Variants in PRICKLE1 observed in about 807,000 individuals in gnomAD.
The protein encoded by PRICKLE1 is prickle planar cell polarity protein 1, also known as prickle-like protein 1.
A neutral mutation model predicts 70.2 loss-of-function variants in PRICKLE1; 14 were observed. That is an observed-to-expected ratio of 0.20 (90% CI 0.13 to 0.31). The LOEUF is 0.31. Among genes scored for constraint, PRICKLE1 ranks in the 10% least tolerant of loss-of-function variants. The pLI, the probability that PRICKLE1 is intolerant of heterozygous loss-of-function variation, is 1.00. For synonymous variants in PRICKLE1, 357 were observed against 379.9 expected (o/e 0.94, Z 0.70); for missense variants, 821 against 1,026.2 (o/e 0.80, Z 2.73).
intron 1 of PRICKLE1, among the ~76,000 whole-genome samples, chr12:42,524,094 T>C (rs1460669556): frequency 1.3e-5 from 2 of 152,230 alleles, no homozygotes; most frequent in Non-Finnish European, 2.9e-5. Context: ...TCCATTAAAA[T>C]GGCCTGTGCA....
chr12:42,512,819 G>A (rs11835687), intron 1 of PRICKLE1, among the ~76,000 whole-genome samples: 10,158 of 151,964 alleles, frequency 0.067, 376 homozygotes, highest in East Asian at 0.12. Flanking sequence ...CACCACGTTC[G>A]GCTGATTTTG....
At chr12:42,562,275 G>A (rs1940530374) in intron 1 of PRICKLE1, among the ~76,000 whole-genome samples, 1 of 152,230 alleles carries the variant, frequency 6.6e-6, no homozygotes, top group South Asian at 2.1e-4. Flanking sequence ...GAAAATTAAA[G>A]TATATATGCT....
intron 1 of PRICKLE1, among the ~76,000 whole-genome samples, chr12:42,566,477 G>A (rs978442178): frequency 1.4e-4 from 21 of 152,122 alleles, no homozygotes; most frequent in African/African-American, 4.8e-4. Context: ...CAAGCAAGCT[G>A]GTAGAGTGGA....
intron 1 of PRICKLE1, among the ~76,000 whole-genome samples, chr12:42,523,949 T>A (rs1939756996): frequency 2.0e-5 from 3 of 152,250 alleles, no homozygotes; most frequent in African/African-American, 7.2e-5. Flanking sequence ...TAGTAAGTGC[T>A]TAGGAACAAC....
intron 1 of PRICKLE1, among the ~76,000 whole-genome samples, chr12:42,553,590 C>T (rs188184136): frequency 1.9e-4 from 29 of 152,166 alleles, no homozygotes; most frequent in Admixed American, 3.3e-4. Flanking sequence ...GTAACGTCAC[C>T]TTGGGCAAGT....
chr12:42,515,426 C>T (rs982937610), intron 1 of PRICKLE1, among the ~76,000 whole-genome samples: 4 of 152,008 alleles, frequency 2.6e-5, no homozygotes, highest in East Asian at 1.9e-4. Flanking sequence ...TTAGTAGAGA[C>T]GGAGTTTCAC....
chr12:42,463,416 T>C (rs1039952346), intron 7 of PRICKLE1, among the ~76,000 whole-genome samples: 1 of 151,036 alleles, frequency 6.6e-6, no homozygotes, highest in Non-Finnish European at 1.5e-5. Flanking sequence ...AGGAAGATGT[T>C]TAAAAAAAAA....
intron 1 of PRICKLE1, among the ~76,000 whole-genome samples, chr12:42,519,587 C>T (rs1434103482): frequency 6.6e-6 from 1 of 152,168 alleles, no homozygotes; most frequent in Non-Finnish European, 1.5e-5. Context: ...AACTCCGACC[C>T]CTTCTCTGAT....
At chr12:42,460,689 T>C in intron 7 of PRICKLE1, 24 bp from the exon 8 acceptor site, 1 of 1,604,024 alleles carries the variant, frequency 6.2e-7, no homozygotes, top group Non-Finnish European at 8.5e-7. Flanking sequence ...CAAAACAAGA[T>C]GTGCTTCTCA....
chr12:42,572,435 TTAAATAAATAAA>T (rs35565532), intron 1 of PRICKLE1, among the ~76,000 whole-genome samples: 1,671 of 147,676 alleles, frequency 0.011, 13 homozygotes, highest in Non-Finnish European at 0.015. Flanking sequence ...AAACTCTGTC[TTAAATAAATAAA>T]TAAATAAATA....
At chr12:42,468,985 G>A (rs1252319228) in intron 4 of PRICKLE1, among the ~76,000 whole-genome samples, 156 bp from the exon 5 acceptor site, 1 of 152,082 alleles carries the variant, frequency 6.6e-6, no homozygotes, top group Admixed American at 6.5e-5. Flanking sequence ...TGGATTACTG[G>A]TGATTCTCCA....
intron 1 of PRICKLE1, among the ~76,000 whole-genome samples, chr12:42,573,232 A>C (rs1940750658): frequency 6.6e-6 from 1 of 152,196 alleles, no homozygotes; most frequent in South Asian, 2.1e-4. Flanking sequence ...AGAGCAAAAT[A>C]ACAGAATTAC....
chr12:42,464,351 G>A lies in PRICKLE1; in HGVS notation c.1639+44C>T. On this transcript the variant is annotated intron_variant, in intron 7 of 7. Coordinates refer to ENST00000345127, the MANE Select transcript of PRICKLE1 (RefSeq NM_153026.3). The surrounding 1 kb of genome is among the most constrained non-coding windows in gnomAD (Gnocchi z 4.2). ...TGCAATTTTTTGAATACACTTTTTA[G>A]TAGCTCCTTTTTTCAAATACCCCAT... is the stretch of plus-strand genomic sequence containing the variant. 1 of 1,613,016 alleles carries A rather than the reference G, an allele frequency of 6.2e-7. No individual in the cohort carries two copies. The highest frequency in any genetic ancestry group is 8.5e-7 in the Non-Finnish European group (1 of 1,179,222).
chr12:42,498,629 A>T (rs1028636195), intron 1 of PRICKLE1, among the ~76,000 whole-genome samples: 6 of 152,214 alleles, frequency 3.9e-5, no homozygotes, highest in Non-Finnish European at 5.9e-5. Flanking sequence ...TTTAAATTAA[A>T]AAACAAAATC....
intron 1 of PRICKLE1, among the ~76,000 whole-genome samples, chr12:42,540,806 C>A (rs1329933226): frequency 1.3e-5 from 2 of 152,086 alleles, no homozygotes; most frequent in African/African-American, 2.4e-5. Context: ...GGTGATCTGC[C>A]CACCTCAGCC....
chr12:42,496,879 C>T (rs79730424), intron 1 of PRICKLE1, among the ~76,000 whole-genome samples: 5,711 of 152,016 alleles, frequency 0.038, 382 homozygotes, highest in African/African-American at 0.13. Flanking sequence ...TCTATTCAGA[C>T]CATTAAAACT....
intron 3 of PRICKLE1, chr12:42,469,835 A>G: frequency 2.9e-6 from 1 of 346,784 alleles, no homozygotes; most frequent in Non-Finnish European, 4.8e-6. Context: ...TCAACACAGA[A>G]TTAAAAAATA....
At chr12:42,560,190 G>A (rs188987816) in intron 1 of PRICKLE1, among the ~76,000 whole-genome samples, 73 of 149,828 alleles carry the variant, frequency 4.9e-4, no homozygotes, top group Admixed American at 1.9e-3. Context: ...AGGCTGGAGT[G>A]CAGTGGTGAG....
intron 1 of PRICKLE1, among the ~76,000 whole-genome samples, chr12:42,527,007 A>T (rs549991315): frequency 6.6e-5 from 10 of 151,928 alleles, no homozygotes; most frequent in African/African-American, 2.2e-4. Context: ...CACACTGTGG[A>T]CCAGCACTAT....
Sources: gnomAD v4.1 joint callset for allele counts (sites outside exome capture counted in the v4.1 genomes callset) on GRCh38, gnomAD v4.1.1 for gene constraint, Gnocchi (gnomAD v3.1) non-coding constraint, MANE v1.5 for transcripts, NCBI Gene and HGNC (gene_info 2026-07-23, HGNC 2026-07-21) for gene names.